The following ABTB3 variants were observed in gnomAD, a reference collection of about 807,000 sequenced individuals.
ABTB3 encodes the protein ankyrin repeat and BTB domain containing 3.
chr12:107,601,382 T>C, the ABTB3 span, among the ~76,000 whole-genome samples: 20 of 152,222 alleles, frequency 1.3e-4, no homozygotes, highest in Admixed American at 3.3e-4. Context: ...AGAGGATCCA[T>C]TGAAGTGGTG....
the ABTB3 span, among the ~76,000 whole-genome samples, chr12:107,545,844 A>T: frequency 6.6e-6 from 1 of 151,892 alleles, no homozygotes; most frequent in African/African-American, 2.4e-5. Context: ...CTAGCTCTTC[A>T]CTCCTAGCCC....
At chr12:107,501,605 T>C in the ABTB3 span, among the ~76,000 whole-genome samples, 3 of 151,852 alleles carry the variant, frequency 2.0e-5, no homozygotes, top group Non-Finnish European at 4.4e-5. Flanking sequence ...GAGGCTGAAG[T>C]GGGAGAATCA....
chr12:107,616,211 C>T, the ABTB3 span, among the ~76,000 whole-genome samples: 5 of 152,168 alleles, frequency 3.3e-5, no homozygotes, highest in Non-Finnish European at 5.9e-5. Flanking sequence ...CAAGGACATT[C>T]CCGACCTTTA....
the ABTB3 span, among the ~76,000 whole-genome samples, chr12:107,621,158 A>G: frequency 6.6e-6 from 1 of 152,154 alleles, no homozygotes; most frequent in Non-Finnish European, 1.5e-5. Flanking sequence ...TCGGGTGGAA[A>G]GCGAGTCCCA....
the ABTB3 span, among the ~76,000 whole-genome samples, chr12:107,357,329 C>G: frequency 6.6e-6 from 1 of 152,178 alleles, no homozygotes; most frequent in Non-Finnish European, 1.5e-5. Flanking sequence ...GCTTTCAGAG[C>G]TGGTATTTAA....
the ABTB3 span, among the ~76,000 whole-genome samples, chr12:107,635,932 G>T: frequency 6.5e-5 from 9 of 139,246 alleles, no homozygotes; most frequent in East Asian, 2.0e-3. Flanking sequence ...ATACCTGAGC[G>T]GCAGAGGCTG....
At chr12:107,626,629 ATCT>A in the ABTB3 span, among the ~76,000 whole-genome samples, 2 of 151,920 alleles carry the variant, frequency 1.3e-5, no homozygotes, top group Non-Finnish European at 2.9e-5. Context: ...ATTTATTGTC[ATCT>A]TCTTAAACCA....
At chr12:107,390,018 C>T in the ABTB3 span, among the ~76,000 whole-genome samples, 1 of 152,080 alleles carries the variant, frequency 6.6e-6, no homozygotes, top group African/African-American at 2.4e-5. Flanking sequence ...GTATTCAGGG[C>T]TTCCAAAAGC....
the ABTB3 span, among the ~76,000 whole-genome samples, chr12:107,456,852 TTTC>T: frequency 6.6e-6 from 1 of 151,832 alleles, no homozygotes; most frequent in African/African-American, 2.4e-5. Context: ...TTCAGTAGTC[TTTC>T]TTTTCTTTTT....
chr12:107,391,227 T>A, the ABTB3 span, among the ~76,000 whole-genome samples: 1 of 152,178 alleles, frequency 6.6e-6, no homozygotes, highest in African/African-American at 2.4e-5. Flanking sequence ...ATATTGCTGC[T>A]TTATAGATGA....
chr12:107,390,448 A>G, the ABTB3 span, among the ~76,000 whole-genome samples: 1 of 152,174 alleles, frequency 6.6e-6, no homozygotes, highest in African/African-American at 2.4e-5. Context: ...CTCTTCGGGG[A>G]AGGTGGTACA....
the ABTB3 span, among the ~76,000 whole-genome samples, chr12:107,408,320 G>A: frequency 2.4e-4 from 36 of 152,200 alleles, no homozygotes; most frequent in Non-Finnish European, 4.4e-4. Flanking sequence ...AGCCCTGTGG[G>A]CTGCTGTCCC....
chr12:107,626,283 G>A, the ABTB3 span, among the ~76,000 whole-genome samples: 21 of 151,360 alleles, frequency 1.4e-4, no homozygotes, highest in Admixed American at 4.6e-4. Flanking sequence ...ACATCTTCCC[G>A]AAGCAGAAGT....
the ABTB3 span, among the ~76,000 whole-genome samples, chr12:107,508,414 T>TAATTAAAA: frequency 2.7e-5 from 4 of 148,952 alleles, no homozygotes; most frequent in Non-Finnish European, 4.5e-5. Context: ...GCCATGATGT[T>TAATTAAAA]AATTAAAATC....
At chr12:107,655,346 G>A in the ABTB3 span, among the ~76,000 whole-genome samples, 1 of 151,962 alleles carries the variant, frequency 6.6e-6, no homozygotes, top group Non-Finnish European at 1.5e-5. Context: ...CGCCTTCCCA[G>A]CCACTACCTG....
the ABTB3 span, among the ~76,000 whole-genome samples, chr12:107,579,042 G>A: frequency 6.6e-6 from 1 of 152,212 alleles, no homozygotes; most frequent in Non-Finnish European, 1.5e-5. Context: ...CAGAGGCAGC[G>A]GGTAAGGCCA....
chr12:107,429,012 G>A, the ABTB3 span, among the ~76,000 whole-genome samples: 1 of 152,244 alleles, frequency 6.6e-6, no homozygotes, highest in Non-Finnish European at 1.5e-5. Context: ...AGGGCAGGTA[G>A]GGGAGGAAGG....
the ABTB3 span, among the ~76,000 whole-genome samples, chr12:107,539,750 C>T: frequency 6.6e-6 from 1 of 152,200 alleles, no homozygotes; most frequent in African/African-American, 2.4e-5. Context: ...ACACATTTTG[C>T]ACTTAACCCT....
chr12:107,425,994 A>G, the ABTB3 span, among the ~76,000 whole-genome samples: 1 of 152,168 alleles, frequency 6.6e-6, no homozygotes, highest in East Asian at 1.9e-4. Flanking sequence ...GCGGCTACAG[A>G]AGGCATTTGC....
Sources: gnomAD v4.1 joint callset for allele counts (sites outside exome capture counted in the v4.1 genomes callset) on GRCh38, gnomAD v4.1.1 for gene constraint, MANE v1.5 for transcripts, NCBI Gene and HGNC (gene_info 2026-07-23, HGNC 2026-07-21) for gene names.